The following PCDHGA9 variants were observed in gnomAD, a reference collection of about 807,000 sequenced individuals.
PCDHGA9 encodes the protein protocadherin gamma-A9.
PCDHGA9 carries 37 observed loss-of-function variants against 62.5 expected under a neutral mutation model. The observed-to-expected ratio is 0.59, with a 90% CI of 0.46 to 0.78. The LOEUF is 0.78. Ranked by LOEUF, PCDHGA9 falls within the 30% of genes least tolerant of loss-of-function variation. PCDHGA9 has a pLI of 0.00. For synonymous variants in PCDHGA9, 459 were observed against 484.6 expected (o/e 0.95, Z 0.69); for missense variants, 1,138 against 1,166.2 (o/e 0.98, Z 0.35).
intron 1 of PCDHGA9, among the ~76,000 whole-genome samples, chr5:141,482,811 C>T (rs1397161943): frequency 2.0e-5 from 3 of 152,164 alleles, no homozygotes; most frequent in Non-Finnish European, 4.4e-5. Context: ...GTGGCTCATG[C>T]CTGTAATCCT....
chr5:141,477,087 C>T lies in PCDHGA9; in HGVS notation c.2425-17720C>T, dbSNP rs748424193. ...AAACTCCATGAGATTTACATCCAGG[C>T]CAAAGACAAGGGCGCCAATCCCGAA... On this transcript the variant is annotated intron_variant, in intron 1 of 3. Coordinates refer to ENST00000573521, the MANE Select transcript of PCDHGA9 (RefSeq NM_018921.3). The surrounding 1 kb of genome is among the most constrained non-coding windows in gnomAD (Gnocchi z 4.9). The T allele has an allele frequency of 1.2e-6, 2 of 1,614,244 alleles. No individual in the cohort carries two copies. Among genetic ancestry groups the T allele is most frequent in the Admixed American group, 3.3e-5 (2 of 60,032 alleles).
rs1487270083 is a variant in PCDHGA9, at chr5:141,402,944, G to T, written c.-9G>T. ...GATCCTTTTGAGAAAATTCCAAAGC[G>T]AGGCAGCAATGGCAGCTCCAACCAA... is the stretch of plus-strand genomic sequence containing the variant. On this transcript the variant is annotated 5_prime_UTR_variant, in exon 1 of 4. Transcript: ENST00000573521. The T allele has an allele frequency of 3.8e-6, 6 of 1,592,018 alleles. No individual in the cohort carries two copies. The African/African-American group carries it at 8.1e-5, about 22-fold the overall frequency.
Position 141,491,758 on chromosome 5 carries a change from C to A in PCDHGA9, c.2425-3049C>A. The stretch of plus-strand genomic sequence containing the variant: ...TGGGGGCGGCACTGGAGAAGCCGCC[C>A]GTCCTCATAAGGGATTGAACTTGCA... On this transcript the variant is annotated intron_variant, in intron 1 of 3. Coordinates refer to ENST00000573521, the MANE Select transcript of PCDHGA9 (RefSeq NM_018921.3). This position sits in a 1 kb window ranked among gnomAD's most constrained non-coding sequence, Gnocchi z 6.9. 6.3e-7 allele frequency: 1 copy of A among 1,578,788 alleles called. No homozygotes were observed. Among genetic ancestry groups the A allele is most frequent in the Non-Finnish European group, 8.6e-7 (1 of 1,163,522 alleles).
rs1299979776 is a variant in PCDHGA9 at position 141,512,453 on chromosome 5, G to GC, written c.*1282dup. On this transcript the variant is annotated 3_prime_UTR_variant, in exon 4 of 4. Transcript: ENST00000573521. ...TCCTGAAGCCTCAGTCCTTCACCTT[G>GC]CCAGGTGCCGTTTCTCTTCCGTGAA... The GC allele has an allele frequency of 6.5e-6, 1 of 152,880 alleles. No homozygotes were observed. The allele number at this position is 152,880 out of a possible 1,614,324, so 9.5% of individuals were successfully genotyped here.
rs868008554 is a variant in PCDHGA9, at chr5:141,431,417, C to T, written c.2424+26041C>T. 1 of 1,613,666 alleles carries T rather than the reference C, an allele frequency of 6.2e-7. No homozygotes were observed. Among genetic ancestry groups the T allele is most frequent in the South Asian group, 1.1e-5 (1 of 91,082 alleles). ...CCTTACGGCCTCCGACGGGGGCGAC[C>T]CGGTGCGCACAGGCACCGCGCGCAT... On this transcript the variant is annotated intron_variant, in intron 1 of 3. Transcript: ENST00000573521. This position sits in a 1 kb window ranked among gnomAD's most constrained non-coding sequence, Gnocchi z 4.8.
rs2099705703 is a variant in PCDHGA9, at chr5:141,490,886, C to A, written c.2425-3921C>A. On this transcript the variant is annotated intron_variant, in intron 1 of 3. Transcript: ENST00000573521. This position sits in a 1 kb window ranked among gnomAD's most constrained non-coding sequence, Gnocchi z 5.4. The stretch of plus-strand genomic sequence containing the variant: ...TCTCCCCCATTGCATGCCAACACAT[C>A]TCTGCATGTGTTTGTCCTAGACGAG... The A allele has an allele frequency of 6.2e-7, 1 of 1,613,406 alleles. No homozygotes were observed. Among genetic ancestry groups the A allele is most frequent in the East Asian group, 2.2e-5 (1 of 44,878 alleles).
chr5:141,474,993 C>A (rs1313232385), intron 1 of PCDHGA9, among the ~76,000 whole-genome samples: 24 of 152,324 alleles, frequency 1.6e-4, no homozygotes. Context: ...GACAACAATT[C>A]TAAATGCAGA....
chr5:141,410,689 C>T, intron 1 of PCDHGA9: 2 of 1,514,926 alleles, frequency 1.3e-6, no homozygotes, highest in Non-Finnish European at 1.8e-6. Flanking sequence ...AGGCATACTA[C>T]TTTATTTTCA....
chr5:141,430,637 G>A (rs2097298854), intron 1 of PCDHGA9: 1 of 890,676 alleles, frequency 1.1e-6, no homozygotes, highest in Admixed American at 2.8e-5. Context: ...ACCATCCCTG[G>A]GAGTATGTGG....
intron 1 of PCDHGA9, chr5:141,415,738 A>G (rs2095905853): frequency 5.6e-6 from 3 of 538,228 alleles, no homozygotes; most frequent in South Asian, 3.9e-5. Context: ...ATGTTTATTA[A>G]GGTTTTTTTT....
intron 2 of PCDHGA9, among the ~76,000 whole-genome samples, chr5:141,497,076 C>T (rs1052240279): frequency 5.9e-5 from 9 of 151,826 alleles, no homozygotes; most frequent in Non-Finnish European, 8.8e-5. Context: ...GTAATCCCAG[C>T]GACTTAGGAG....
At chr5:141,413,215 T>C in intron 1 of PCDHGA9, 1 of 1,613,350 alleles carries the variant, frequency 6.2e-7, no homozygotes, top group Non-Finnish European at 8.5e-7. Context: ...ATCAAAGGAT[T>C]GCAGCGGGCT....
chr5:141,507,553 C>T (rs1382652977), intron 3 of PCDHGA9, among the ~76,000 whole-genome samples: 4 of 152,192 alleles, frequency 2.6e-5, no homozygotes, highest in Admixed American at 2.0e-4. Flanking sequence ...ATGAAAGTGG[C>T]AGGCGGCTGG....
At chr5:141,500,348 A>G (rs2099799436) in intron 2 of PCDHGA9, among the ~76,000 whole-genome samples, 1 of 151,950 alleles carries the variant, frequency 6.6e-6, no homozygotes, top group Non-Finnish European at 1.5e-5. Context: ...AGCTGGGACT[A>G]CAGGCGCCCA....
rs1263728099 is a variant in PCDHGA9, at chr5:141,476,079, G to T, written c.2425-18728G>T. Reference sequence around the variant, plus strand: ...AGTTTCTCAGCGAAATCTCAGGGACGATCTGGACCCCGCTGAGAGGAACTG... The same window carrying T: ...AGTTTCTCAGCGAAATCTCAGGGACTATCTGGACCCCGCTGAGAGGAACTG... On this transcript the variant is annotated intron_variant, in intron 1 of 3. Coordinates refer to ENST00000573521, the MANE Select transcript of PCDHGA9 (RefSeq NM_018921.3). This position sits in a 1 kb window ranked among gnomAD's most constrained non-coding sequence, Gnocchi z 7.6. 3 of 1,537,560 alleles carry T rather than the reference G, an allele frequency of 2.0e-6. No homozygotes were observed. Among genetic ancestry groups the T allele is most frequent in the African/African-American group, 1.4e-5 (1 of 72,808 alleles).
At chr5:141,464,558 A>G (rs1276921889) in intron 1 of PCDHGA9, among the ~76,000 whole-genome samples, 2 of 152,176 alleles carry the variant, frequency 1.3e-5, no homozygotes, top group Non-Finnish European at 2.9e-5. Context: ...CCCATCTTGC[A>G]TTCCTACAAA....
Position 141,403,992 on chromosome 5 carries a change from T to G in PCDHGA9, c.1040T>G (p.Val347Gly). ...GATGTAAATGACAATAGACCTGAAG[T>G]GACCATTACATCTCTGTTTAGCCCA... ...VEDVNDNRPE[V>G]TITSLFSPVR... Residue 347 changes from valine to glycine, a missense_variant, in exon 1 of 4, where the codon GTG becomes GGG. Val to Gly is a moderately radical substitution (Grantham distance 109). Coordinates refer to ENST00000573521, the MANE Select transcript of PCDHGA9 (RefSeq NM_018921.3). The G allele has an allele frequency of 1.2e-6, 2 of 1,613,848 alleles. No individual in the cohort carries two copies. The highest frequency in any genetic ancestry group is 2.2e-5 in the South Asian group (2 of 91,074).
At chr5:141,441,680 C>T in intron 1 of PCDHGA9, 1 of 295,840 alleles carries the variant, frequency 3.4e-6, no homozygotes, top group South Asian at 2.8e-5. Context: ...GCGCCTTCGA[C>T]CAAGAGCAGC....
At chr5:141,452,951 G>A (rs1397204185) in intron 1 of PCDHGA9, among the ~76,000 whole-genome samples, 1 of 152,154 alleles carries the variant, frequency 6.6e-6, no homozygotes, top group Admixed American at 6.6e-5. Context: ...GCAATTGGTT[G>A]TCTTTAAACT....
Sources: allele counts gnomAD v4.1 joint callset (sites outside exome capture counted in the v4.1 genomes callset), GRCh38; gene constraint gnomAD v4.1.1; non-coding constraint Gnocchi (gnomAD v3.1); transcripts MANE v1.5; gene names NCBI Gene and HGNC (gene_info 2026-07-23, HGNC 2026-07-21).